The following BACE1 variants were observed in gnomAD, a reference collection of about 807,000 sequenced individuals.
BACE1 encodes the protein beta-secretase 1.
Under a neutral mutation model 54.0 loss-of-function variants are expected in BACE1, and 21 were observed. The observed-to-expected ratio is 0.39, with a 90% CI of 0.28 to 0.56. The LOEUF (loss-of-function observed/expected upper bound fraction) is 0.56. Among genes scored for constraint, BACE1 ranks in the 20% least tolerant of loss-of-function variants. The probability of loss-of-function intolerance (pLI) is 0.63; values close to 1 mark genes in which losing one functional copy is unlikely to be tolerated. For synonymous variants in BACE1, 232 were observed against 260.9 expected, an observed-to-expected ratio of 0.89 and a Z score of 1.07; for missense variants, 511 against 661.2, an observed-to-expected ratio of 0.77 and a Z score of 2.49.
chr11:117,295,533 G>C lies in BACE1; in HGVS notation c.351-186C>G, dbSNP rs1184093509. 2.0e-6 allele frequency: 3 copies of C among 1,535,838 alleles called. No homozygotes were observed. In the African/African-American group the frequency reaches 4.1e-5, roughly 21 times the overall value. On this transcript the variant is annotated intron_variant, in intron 2 of 8. Transcript: ENST00000313005. ...AGAGTGTAAAGTGGGCTTGCAGATA[G>C]ATGAAGGGAACCATTGGTGAGGCTT...
Position 117,293,329 on chromosome 11 carries a change from C to T in BACE1, c.706-141G>A. ...CCCTTTTCATCTTCCTGCTTCTAAA[C>T]AAATCATACCCAAAGTGATTTCTAG... On this transcript the variant is annotated intron_variant, in intron 4 of 8. Coordinates refer to ENST00000313005, the MANE Select transcript of BACE1 (RefSeq NM_012104.6). The surrounding 1 kb of genome is among the most constrained non-coding windows in gnomAD (Gnocchi z 4.1). 1.3e-6 allele frequency: 1 copy of T among 773,704 alleles called. No homozygotes were observed. The allele number at this position is 773,704 out of a possible 1,614,324, so 47.9% of individuals were successfully genotyped here. A position where few individuals can be genotyped will look rare whatever the true frequency, so the allele number is the denominator to read the frequency against.
At chr11:117,296,617 C>T (rs1196678592) in intron 2 of BACE1, among the ~76,000 whole-genome samples, 2 of 152,136 alleles carry the variant, frequency 1.3e-5, no homozygotes, top group Non-Finnish European at 2.9e-5. Flanking sequence ...TCCTTTCCCT[C>T]CCACAGGAGG....
chr11:117,303,887 GAGACCTAGAGTGAGTA>G (rs1484668817), intron 1 of BACE1, among the ~76,000 whole-genome samples: 11 of 152,246 alleles, frequency 7.2e-5, no homozygotes, highest in African/African-American at 2.4e-4. Flanking sequence ...GAAGGAAAGT[GAGACCTAGAGTGAGTA>G]AGCAACTTCA....
At position 117,289,578 on chromosome 11, in the gene BACE1, G is replaced by A; in HGVS notation, c.1494C>T (p.Ser498=). 6.2e-7 allele frequency: 1 copy of A among 1,614,178 alleles called. No individual in the cohort carries two copies. The highest frequency in any genetic ancestry group is 8.5e-7 in the Non-Finnish European group (1 of 1,180,022). Residue 498 remains serine (S), a synonymous_variant, in exon 9 of 9, where the codon TCC becomes TCT. Transcript: ENST00000313005. The part of the protein sequence containing the change: ...QQHDDFADDI[S]LLK ...CCCATGGGCCTCCTCACTTCAGCAG[G>A]GAGATGTCATCAGCAAAGTCATCAT...
chr11:117,294,035 G>A (rs2134454962), intron 3 of BACE1, 27 bp from the exon 4 acceptor site: 1 of 1,607,354 alleles, frequency 6.2e-7, no homozygotes, highest in East Asian at 2.2e-5. Context: ...CAAGGAGTGA[G>A]TCCTCATACG....
At chr11:117,302,486 C>T (rs901100464) in intron 1 of BACE1, among the ~76,000 whole-genome samples, 1 of 152,220 alleles carries the variant, frequency 6.6e-6, no homozygotes, top group African/African-American at 2.4e-5. Flanking sequence ...CCTGGACCAT[C>T]CTCCTCTCCA....
intron 1 of BACE1, among the ~76,000 whole-genome samples, chr11:117,312,977 G>C (rs1164388959): frequency 6.6e-5 from 10 of 152,196 alleles, no homozygotes; most frequent in Non-Finnish European, 1.5e-4. Flanking sequence ...CAGAAAACAT[G>C]TCTTCTTGTC....
At chr11:117,311,702 G>A (rs946643591) in intron 1 of BACE1, among the ~76,000 whole-genome samples, 9 of 152,100 alleles carry the variant, frequency 5.9e-5, no homozygotes, top group African/African-American at 7.2e-5. Context: ...GTGCAGTGGC[G>A]CAATCTCAGC....
chr11:117,315,560 A>G lies in BACE1; in HGVS notation c.236T>C (p.Met79Thr). The G allele has an allele frequency of 6.3e-7, 1 of 1,587,504 alleles. No individual in the cohort carries two copies. Among genetic ancestry groups the G allele is most frequent in the Non-Finnish European group, 8.6e-7 (1 of 1,168,638 alleles). ...CGTCTGCGGGGGGCTGCCCACGGTC[A>G]TCTCCACGTAGTAGCCCTGCCCCGA... ...GKSGQGYYVE[M>T]TVGSPPQTLN... The change falls in exon 1 of 9, where the codon ATG becomes ACG. Residue 79 changes from methionine to threonine, a missense_variant. Met to Thr is a moderately conservative substitution (Grantham distance 81). Around this residue, in one of 2 missense-constraint regions of BACE1, gnomAD observed 407 missense variants for 565.7 expected, o/e 0.72. Coordinates refer to ENST00000313005, the MANE Select transcript of BACE1 (RefSeq NM_012104.6). The surrounding 1 kb of genome is among the most constrained non-coding windows in gnomAD (Gnocchi z 5.5).
intron 1 of BACE1, among the ~76,000 whole-genome samples, chr11:117,305,392 C>G (rs1047497209): frequency 6.6e-6 from 1 of 152,164 alleles, no homozygotes; most frequent in Non-Finnish European, 1.5e-5. Flanking sequence ...GTTCCTCCCA[C>G]CTTGAACAAA....
At chr11:117,301,026 C>T (rs2034713237) in intron 1 of BACE1, among the ~76,000 whole-genome samples, 1 of 152,152 alleles carries the variant, frequency 6.6e-6, no homozygotes, top group Non-Finnish European at 1.5e-5. Context: ...GCCTCCATTC[C>T]TCCACTATAA....
rs2134508062 is a variant in BACE1, at chr11:117,315,222, G to C, written c.261+313C>G. ...AGAGGGGGCTGACACCTGTTATAGT[G>C]CCCCTGTGGCGGACCCTTCCTCCAG... On this transcript the variant is annotated intron_variant, in intron 1 of 8. Coordinates refer to ENST00000313005, the MANE Select transcript of BACE1 (RefSeq NM_012104.6). The surrounding 1 kb of genome is among the most constrained non-coding windows in gnomAD (Gnocchi z 5.5). Among the ~76,000 whole-genome samples, 1 of 152,332 alleles carries C rather than the reference G, an allele frequency of 6.6e-6. No homozygotes were observed. Among genetic ancestry groups the C allele is most frequent in the African/African-American group, 2.4e-5 (1 of 41,572 alleles).
At chr11:117,295,022 T>C (rs2134457563) in intron 3 of BACE1, 109 bp downstream of exon 3, 2 of 1,160,094 alleles carry the variant, frequency 1.7e-6, no homozygotes, top group Middle Eastern at 2.7e-4. Flanking sequence ...AATAATCCTT[T>C]AAACTGATTG....
At chr11:117,305,759 C>G (rs79496168) in intron 1 of BACE1, among the ~76,000 whole-genome samples, 7,822 of 151,954 alleles carry the variant, frequency 0.051, 673 homozygotes, top group African/African-American at 0.18. Flanking sequence ...GAATCAGCCG[C>G]GCGCAGTGGC....
At position 117,296,237 on chromosome 11, in the gene BACE1, ACCCCCCTTTCACCAGT is replaced by A. The variant is rs1284929724; in HGVS notation, c.350+620_350+635del. Among the ~76,000 whole-genome samples the A allele has an allele frequency of 2.7e-5, 4 of 149,712 alleles. No individual in the cohort carries two copies. The East Asian group carries it at 7.8e-4, about 29-fold the overall frequency. ...GCCTCTTATCTTAAAGCCCACTTCA[ACCCCCCTTTCACCAGT>A]CCCCCACTTTCACCAGTCCTCTTCA... On this transcript the variant is annotated intron_variant, in intron 2 of 8. Transcript: ENST00000313005.
At chr11:117,299,321 C>T (rs529324949) in intron 1 of BACE1, among the ~76,000 whole-genome samples, 1 of 152,296 alleles carries the variant, frequency 6.6e-6, no homozygotes, top group African/African-American at 2.4e-5. Context: ...ATTTCTGTAT[C>T]TTCTCTCCTC....
rs1266613861 is a variant in BACE1 at position 117,315,100 on chromosome 11, G to A, written c.261+435C>T. Among the ~76,000 whole-genome samples the A allele has an allele frequency of 6.6e-6, 1 of 152,186 alleles. No homozygotes were observed. Among genetic ancestry groups the A allele is most frequent in the Non-Finnish European group, 1.5e-5 (1 of 68,024 alleles). ...CTGCCAGGATTCCTTGGTCCTGGAG[G>A]TACTGGGAACAATGGTGGGAATCAG... On this transcript the variant is annotated intron_variant, in intron 1 of 8. Coordinates refer to ENST00000313005, the MANE Select transcript of BACE1 (RefSeq NM_012104.6). This position sits in a 1 kb window ranked among gnomAD's most constrained non-coding sequence, Gnocchi z 5.5.
Position 117,315,415 on chromosome 11 carries a change from A to T in BACE1, c.261+120T>A. 7.5e-7 allele frequency: 1 copy of T among 1,333,726 alleles called. No individual in the cohort carries two copies. The highest frequency in any genetic ancestry group is 1.0e-6 in the Non-Finnish European group (1 of 1,002,962). 82.6% of individuals were successfully genotyped at this position (1,333,726 alleles called of 1,614,324 possible). On this transcript the variant is annotated intron_variant, in intron 1 of 8. Transcript: ENST00000313005. This position sits in a 1 kb window ranked among gnomAD's most constrained non-coding sequence, Gnocchi z 5.5. ...CGTGACCCCCGGGGAATGGCTGGGG[A>T]GGGGTCCCTCCTGCTGTCCCCACCA...
At chr11:117,296,706 C>G (rs2134462461) in intron 2 of BACE1, among the ~76,000 whole-genome samples, 167 bp downstream of exon 2, 1 of 152,284 alleles carries the variant, frequency 6.6e-6, no homozygotes, top group South Asian at 2.1e-4. Flanking sequence ...CTCTCACCAC[C>G]CACTTCACCC....
Sources: allele counts gnomAD v4.1 joint callset (sites outside exome capture counted in the v4.1 genomes callset), GRCh38; gene constraint gnomAD v4.1.1; regional missense constraint gnomAD v4.1.1; non-coding constraint Gnocchi (gnomAD v3.1); transcripts MANE v1.5; gene names NCBI Gene and HGNC (gene_info 2026-07-23, HGNC 2026-07-21).